The following NRG3 variants were observed in gnomAD, a reference collection of about 807,000 sequenced individuals.
The protein encoded by NRG3 is neuregulin 3.
NRG3 carries 31 observed loss-of-function variants against 66.9 expected under a neutral mutation model. That is an observed-to-expected ratio of 0.46 (90% CI 0.35 to 0.63). The LOEUF (loss-of-function observed/expected upper bound fraction) is 0.63, where lower values mean the gene tolerates loss of function less well. Ranked by LOEUF, NRG3 falls within the 20% of genes least tolerant of loss-of-function variation. The pLI is 0.00. For synonymous variants in NRG3, 393 were observed against 359.4 expected, an observed-to-expected ratio of 1.09 and a Z score of -1.06; for missense variants, 910 against 878.9, an observed-to-expected ratio of 1.04 and a Z score of -0.45.
chr10:81,885,107 T>C (rs1220277959), intron 1 of NRG3, among the ~76,000 whole-genome samples: 4 of 152,214 alleles, frequency 2.6e-5, no homozygotes, highest in African/African-American at 4.8e-5. Flanking sequence ...TTGATCTTTT[T>C]AACTCTCTAT....
rs563716933 is a variant in NRG3, at chr10:82,622,660, G to C, written c.954-115917G>C. 2.8e-3 allele frequency among the ~76,000 whole-genome samples: 426 copies of C among 152,284 alleles called. 2 individuals carry two copies. The highest frequency in any genetic ancestry group is 0.01 in the African/African-American group (418 of 41,564). ...CAGGATACTCTCATGATGCTGGCCTGAAGCAGTGAGCCACAGCTCCCAGCC... is the reference window on the plus strand; with the variant it reads ...CAGGATACTCTCATGATGCTGGCCTCAAGCAGTGAGCCACAGCTCCCAGCC... On this transcript the variant is annotated intron_variant, in intron 2 of 8. Transcript: ENST00000372141.
At chr10:82,700,753 C>A (rs11195642) in intron 2 of NRG3, among the ~76,000 whole-genome samples, 46,753 of 151,924 alleles carry the variant, frequency 0.31, 8,430 homozygotes, top group African/African-American at 0.49. Context: ...TGTCTACATC[C>A]TGTGGCATAA....
intron 1 of NRG3, among the ~76,000 whole-genome samples, chr10:82,248,069 C>T (rs2077322647): frequency 6.6e-6 from 1 of 152,044 alleles, no homozygotes; most frequent in Non-Finnish European, 1.5e-5. Flanking sequence ...GTCCAATGGC[C>T]CATCTTTCTT....
At chr10:82,042,180 G>A (rs1404795002) in intron 1 of NRG3, among the ~76,000 whole-genome samples, 1 of 151,912 alleles carries the variant, frequency 6.6e-6, no homozygotes, top group Non-Finnish European at 1.5e-5. Flanking sequence ...CAAAATTATA[G>A]AGAACAGAAT....
rs1162856224 is a variant in NRG3 at position 82,322,162 on chromosome 10, C to T, written c.824-36577C>T. Reference sequence around the variant, plus strand: ...AATGCATAGAGGCAACATCAAAATACGAATGCCTTGCAAAAGATTGCCTAT... The same window carrying T: ...AATGCATAGAGGCAACATCAAAATATGAATGCCTTGCAAAAGATTGCCTAT... On this transcript the variant is annotated intron_variant, in intron 1 of 8. Coordinates refer to ENST00000372141, the MANE Select transcript of NRG3 (RefSeq NM_001010848.4). Among the ~76,000 whole-genome samples the T allele has an allele frequency of 2.6e-5, 4 of 152,108 alleles. No individual in the cohort carries two copies. In the East Asian group the frequency reaches 5.8e-4, roughly 22 times the overall value.
At chr10:82,417,743 G>A (rs1232158755) in intron 2 of NRG3, among the ~76,000 whole-genome samples, 2 of 152,136 alleles carry the variant, frequency 1.3e-5, no homozygotes, top group African/African-American at 2.4e-5. Context: ...GAGGCTCCAG[G>A]TTTCCTGCTT....
At chr10:82,761,666 A>G (rs1230957777) in intron 3 of NRG3, among the ~76,000 whole-genome samples, 1 of 151,940 alleles carries the variant, frequency 6.6e-6, no homozygotes, top group Non-Finnish European at 1.5e-5. Flanking sequence ...TGAAAAAATA[A>G]AATTAATAAA....
At chr10:81,947,168 C>G (rs1415316420) in intron 1 of NRG3, among the ~76,000 whole-genome samples, 1 of 152,124 alleles carries the variant, frequency 6.6e-6, no homozygotes, top group East Asian at 1.9e-4. Flanking sequence ...TGGTCTCTGT[C>G]TATTCGCAGT....
intron 1 of NRG3, among the ~76,000 whole-genome samples, chr10:82,152,999 T>C (rs1484824288): frequency 9.9e-5 from 15 of 151,918 alleles, no homozygotes; most frequent in African/African-American, 2.7e-4. Flanking sequence ...CACACACACA[T>C]TGTAGAAAGA....
rs117241349 is a variant in NRG3 at position 82,985,127 on chromosome 10, G to A, written c.1613G>A (p.Arg538Gln). The A allele has an allele frequency of 2.6e-4, 425 of 1,613,748 alleles. No individual in the cohort carries two copies. Among genetic ancestry groups the A allele is most frequent in the Non-Finnish European group, 3.2e-4 (378 of 1,179,894 alleles). The change falls in exon 9 of 9, where the codon CGA (arginine) becomes CAA (glutamine). Residue 538 changes from arginine to glutamine, a missense_variant. Arg to Gln is a conservative substitution (Grantham distance 43, BLOSUM62 1). Coordinates refer to ENST00000372141, the MANE Select transcript of NRG3 (RefSeq NM_001010848.4). Reference sequence around the variant, plus strand: ...TCATCCAGTGGTTTAAAAACCCAACGAAATACATCAATAAATATGCAACTG... The same window carrying A: ...TCATCCAGTGGTTTAAAAACCCAACAAAATACATCAATAAATATGCAACTG... ...GYSSSGLKTQ[R>Q]NTSINMQLPS...
chr10:82,973,652 G>A (rs1179847061), intron 6 of NRG3, 136 bp from the exon 7 acceptor site: 1 of 864,892 alleles, frequency 1.2e-6, no homozygotes, highest in Non-Finnish European at 1.9e-6. Context: ...CACAAATTAT[G>A]TCTTATCTCC....
chr10:82,188,819 A>G (rs2073967249), intron 1 of NRG3, among the ~76,000 whole-genome samples: 1 of 152,026 alleles, frequency 6.6e-6, no homozygotes, highest in South Asian at 2.1e-4. Context: ...AGGGTGGTTA[A>G]TGGGTACCAA....
chr10:82,807,805 G>A (rs1034611975), intron 3 of NRG3, among the ~76,000 whole-genome samples: 2 of 151,920 alleles, frequency 1.3e-5, no homozygotes, highest in Non-Finnish European at 2.9e-5. Context: ...CTCTTATATG[G>A]CTGCAAAGAC....
At chr10:81,879,054 C>G (rs1841948649) in intron 1 of NRG3, among the ~76,000 whole-genome samples, 1 of 152,146 alleles carries the variant, frequency 6.6e-6, no homozygotes, top group African/African-American at 2.4e-5. Flanking sequence ...AAGGATTGAA[C>G]TTTAAAGGCA....
intron 2 of NRG3, among the ~76,000 whole-genome samples, chr10:82,571,435 A>G (rs1259861862): frequency 6.6e-6 from 1 of 151,714 alleles, no homozygotes; most frequent in African/African-American, 2.4e-5. Context: ...TTATTATTAT[A>G]CATCACTATT....
At chr10:82,010,692 C>T (rs897261927) in intron 1 of NRG3, among the ~76,000 whole-genome samples, 1 of 152,160 alleles carries the variant, frequency 6.6e-6, no homozygotes, top group African/African-American at 2.4e-5. Context: ...CACAGATGGA[C>T]ATTAATTGGA....
At chr10:82,221,141 A>G (rs928514056) in intron 1 of NRG3, among the ~76,000 whole-genome samples, 7 of 152,164 alleles carry the variant, frequency 4.6e-5, no homozygotes, top group African/African-American at 7.2e-5. Context: ...TTTAATATCT[A>G]TAAAATAATT....
At chr10:82,496,781 C>G (rs1843671355) in intron 2 of NRG3, among the ~76,000 whole-genome samples, 1 of 152,112 alleles carries the variant, frequency 6.6e-6, no homozygotes, top group African/African-American at 2.4e-5. Flanking sequence ...TGAATATTTT[C>G]TATCTAATCA....
chr10:81,918,996 T>TACAC (rs1845988652), intron 1 of NRG3, among the ~76,000 whole-genome samples: 1 of 99,040 alleles, frequency 1.0e-5, no homozygotes, highest in African/African-American at 6.1e-5. Context: ...CACACACACA[T>TACAC]ACATACACAC....
Sources: allele counts gnomAD v4.1 joint callset (sites outside exome capture counted in the v4.1 genomes callset), GRCh38; gene constraint gnomAD v4.1.1; transcripts MANE v1.5; gene names NCBI Gene and HGNC (gene_info 2026-07-23, HGNC 2026-07-21).